Variants in KCNK9 observed in about 807,000 individuals in gnomAD.
The protein encoded by KCNK9 is potassium two pore domain channel subfamily K member 9, also known as potassium channel subfamily K member 9.
KCNK9 carries 1 observed loss-of-function variant against 10.8 expected under a neutral mutation model. That is an observed-to-expected ratio of 0.09 (90% CI 0.03 to 0.44). The LOEUF (loss-of-function observed/expected upper bound fraction) is 0.44. Among genes scored for constraint, KCNK9 ranks in the 20% least tolerant of loss-of-function variants. KCNK9 has a pLI of 0.97. For missense variants in KCNK9, 303 were observed against 515.0 expected (o/e 0.59, Z 3.98); for synonymous variants, 231 against 222.7 (o/e 1.04, Z -0.33).
intron 1 of KCNK9, among the ~76,000 whole-genome samples, chr8:139,654,629 C>T (rs1815967808): frequency 2.0e-5 from 3 of 152,252 alleles, no homozygotes; most frequent in Admixed American, 1.3e-4. Flanking sequence ...TCTCCAGGAG[C>T]CTTTCACGTG....
chr8:139,683,590 C>T (rs752302300), intron 1 of KCNK9, among the ~76,000 whole-genome samples: 1 of 152,184 alleles, frequency 6.6e-6, no homozygotes, highest in Non-Finnish European at 1.5e-5. Context: ...ACGGGGAAGC[C>T]AGGTCTGCCC....
rs115459581 is a variant in KCNK9 at position 139,666,721 on chromosome 8, C to T, written c.283+35989G>A. 3.1e-3 allele frequency among the ~76,000 whole-genome samples: 478 copies of T among 152,398 alleles called. 2 individuals carry two copies. Among genetic ancestry groups the T allele is most frequent in the African/African-American group, 0.011 (460 of 41,596 alleles). Reference sequence around the variant, plus strand: ...AAGGTGCTTGGCTGCATGGAAAGCTCTAGATCCATGTCTAGCTGTATCCGC... The same window carrying T: ...AAGGTGCTTGGCTGCATGGAAAGCTTTAGATCCATGTCTAGCTGTATCCGC... On this transcript the variant is annotated intron_variant, in intron 1 of 1. Transcript: ENST00000520439.
At chr8:139,632,744 C>T (rs1191084585) in intron 1 of KCNK9, among the ~76,000 whole-genome samples, 1 of 152,162 alleles carries the variant, frequency 6.6e-6, no homozygotes, top group Non-Finnish European at 1.5e-5. Context: ...CTGTTAGGAG[C>T]CTGGGTTCTG....
downstream of KCNK9, chr8:139,617,103 A>G (rs1814618363): frequency 6.6e-6 from 1 of 152,220 alleles, no homozygotes; most frequent in Non-Finnish European, 1.5e-5. Context: ...TACAAATCAA[A>G]TGCAATTAGA....
rs575426101 is a variant in KCNK9, at chr8:139,677,882, G to T, written c.283+24828C>A. Among the ~76,000 whole-genome samples, 78 of 106,698 alleles carry T rather than the reference G, an allele frequency of 7.3e-4. 1 individual carries two copies. The highest frequency in any genetic ancestry group is 2.8e-3 in the African/African-American group (71 of 25,758). The allele number at this position is 106,698 out of a possible 152,430, so 70.0% of individuals were successfully genotyped here. Reference sequence around the variant, plus strand: ...CCAAGGGGTCCCCATGGCTGCAGAGGAATGCCTCACATCTGAGCCCAATGT... The same window carrying T: ...CCAAGGGGTCCCCATGGCTGCAGAGTAATGCCTCACATCTGAGCCCAATGT... On this transcript the variant is annotated intron_variant, in intron 1 of 1. Transcript: ENST00000520439.
At chr8:139,614,662 TAA>T (rs931529876), downstream of KCNK9, among the ~76,000 whole-genome samples, 2 of 152,160 alleles carry the variant, frequency 1.3e-5, no homozygotes, top group African/African-American at 2.4e-5. Flanking sequence ...CAGTCCTACG[TAA>T]AAGAGTCTAA....
At chr8:139,638,838 A>G (rs1815414033) in intron 1 of KCNK9, among the ~76,000 whole-genome samples, 1 of 152,206 alleles carries the variant, frequency 6.6e-6, no homozygotes, top group Non-Finnish European at 1.5e-5. Context: ...TAGAGGCATC[A>G]TCCGCTCTGC....
At chr8:139,628,775 C>G (rs928425580) in intron 1 of KCNK9, among the ~76,000 whole-genome samples, 1 of 152,218 alleles carries the variant, frequency 6.6e-6, no homozygotes, top group Non-Finnish European at 1.5e-5. Context: ...ATTTCTAAAA[C>G]ATATGAACTT....
chr8:139,622,436 T>C (rs1001123023), intron 1 of KCNK9, among the ~76,000 whole-genome samples: 5 of 152,164 alleles, frequency 3.3e-5, no homozygotes, highest in Admixed American at 6.5e-5. Flanking sequence ...TGGTTTCCAG[T>C]TGGGTCCATC....
At chr8:139,673,192 G>A (rs62520198) in intron 1 of KCNK9, among the ~76,000 whole-genome samples, 2 of 152,098 alleles carry the variant, frequency 1.3e-5, no homozygotes, top group East Asian at 3.9e-4. Context: ...GGTGGCATAG[G>A]CCTGGGGGGA....
chr8:139,674,658 C>T (rs561953279), intron 1 of KCNK9, among the ~76,000 whole-genome samples: 62 of 152,326 alleles, frequency 4.1e-4, no homozygotes, highest in African/African-American at 1.4e-3. Flanking sequence ...CAGTGCCTCA[C>T]GGGGCCAGAC....
At chr8:139,624,032 AC>A (rs1814882654) in intron 1 of KCNK9, among the ~76,000 whole-genome samples, 1 of 151,918 alleles carries the variant, frequency 6.6e-6, no homozygotes, top group African/African-American at 2.4e-5. Flanking sequence ...GATGCCTGGC[AC>A]CCCCTACAGG....
chr8:139,689,008 C>T (rs1015982580), intron 1 of KCNK9, among the ~76,000 whole-genome samples: 2 of 152,070 alleles, frequency 1.3e-5, no homozygotes, highest in East Asian at 1.9e-4. Context: ...TGAGGCCCCT[C>T]GTGTGAGCCC....
At chr8:139,695,423 C>G (rs918597294) in intron 1 of KCNK9, among the ~76,000 whole-genome samples, 1 of 152,178 alleles carries the variant, frequency 6.6e-6, no homozygotes, top group Non-Finnish European at 1.5e-5. Context: ...GGGCTATCCC[C>G]AAATCCCTAC....
At chr8:139,656,184 C>T (rs982405742) in intron 1 of KCNK9, among the ~76,000 whole-genome samples, 9 of 152,150 alleles carry the variant, frequency 5.9e-5, no homozygotes, top group Admixed American at 1.3e-4. Flanking sequence ...CACCTAGTGC[C>T]CAGATCCAAG....
intron 1 of KCNK9, among the ~76,000 whole-genome samples, chr8:139,635,097 A>T (rs1815299042): frequency 6.6e-6 from 1 of 152,238 alleles, no homozygotes; most frequent in Non-Finnish European, 1.5e-5. Flanking sequence ...GTCAGAGAAC[A>T]TTCTAGAGCC....
At chr8:139,660,236 C>T (rs1816117012) in intron 1 of KCNK9, among the ~76,000 whole-genome samples, 1 of 152,134 alleles carries the variant, frequency 6.6e-6, no homozygotes, top group African/African-American at 2.4e-5. Context: ...CACCCCTTCA[C>T]AGGTAGCAAA....
At chr8:139,664,145 G>A (rs777705104) in intron 1 of KCNK9, among the ~76,000 whole-genome samples, 53 of 152,228 alleles carry the variant, frequency 3.5e-4, no homozygotes, top group South Asian at 2.1e-4. Flanking sequence ...TGACCGGGAG[G>A]GGCAGAACCA....
At chr8:139,676,065 G>A (rs1484546842) in intron 1 of KCNK9, among the ~76,000 whole-genome samples, 1 of 152,208 alleles carries the variant, frequency 6.6e-6, no homozygotes, top group African/African-American at 2.4e-5. Context: ...CAAAGCCCTA[G>A]AGAAGGGCAG....
Sources: gnomAD v4.1 joint callset for allele counts (sites outside exome capture counted in the v4.1 genomes callset) on GRCh38, gnomAD v4.1.1 for gene constraint, MANE v1.5 for transcripts, NCBI Gene and HGNC (gene_info 2026-07-23, HGNC 2026-07-21) for gene names.